CSDE1: variants seen among roughly 807,000 people sequenced by gnomAD.
CSDE1 encodes the protein cold shock domain-containing protein E1.
A neutral mutation model predicts 89.3 loss-of-function variants in CSDE1; 17 were observed. The observed-to-expected ratio is 0.19, with a 90% confidence interval of 0.13 to 0.29. CSDE1 has a LOEUF of 0.29. CSDE1 is among the 10% of genes least tolerant of loss of function. The pLI is 1.00. For missense variants in CSDE1, 672 were observed against 984.2 expected (o/e 0.68, Z 4.24); for synonymous variants, 322 against 332.8 (o/e 0.97, Z 0.35).
Position 114,736,773 on chromosome 1 carries a change from A to G in CSDE1, c.485T>C (p.Ile162Thr). ...LETGDKINFV[I>T]DNNKHTGAVS... ...AAGAACTTACTGTTTATTGTTATCA[A>G]TTACAAAGTTTATTTTATCTCCAGT... Residue 162 changes from isoleucine to threonine, a missense_variant, in exon 6 of 20, where the codon ATT (isoleucine) becomes ACT (threonine). Around this residue, in one of 8 missense-constraint regions of CSDE1, gnomAD observed 124 missense variants for 138.7 expected, o/e 0.89. Transcript: ENST00000358528. 6.2e-7 allele frequency: 1 copy of G among 1,610,740 alleles called. No homozygotes were observed. Among genetic ancestry groups the G allele is most frequent in the South Asian group, 1.1e-5 (1 of 90,622 alleles).
chr1:114,732,327 C>G (rs529887283), intron 10 of CSDE1, among the ~76,000 whole-genome samples: 1 of 152,224 alleles, frequency 6.6e-6, no homozygotes, highest in South Asian at 2.1e-4. Context: ...AATTTTCTTA[C>G]TCTTCATATT....
At chr1:114,735,543 T>C (rs1298343618) in intron 6 of CSDE1, among the ~76,000 whole-genome samples, 1 of 152,162 alleles carries the variant, frequency 6.6e-6, no homozygotes, top group Non-Finnish European at 1.5e-5. Context: ...TGTTCTGAGA[T>C]TAACAACTAT....
chr1:114,723,319 TG>T (rs1330409988), intron 16 of CSDE1, among the ~76,000 whole-genome samples: 1 of 152,188 alleles, frequency 6.6e-6, no homozygotes, highest in Non-Finnish European at 1.5e-5. Context: ...TGGTGACTGT[TG>T]GGGGAACAGC....
At chr1:114,718,413 CAAGAA>C (rs746232524) in intron 19 of CSDE1, among the ~76,000 whole-genome samples, 195 bp downstream of exon 19, 1 of 152,182 alleles carries the variant, frequency 6.6e-6, no homozygotes, top group East Asian at 1.9e-4. Context: ...TTCAAAGCAT[CAAGAA>C]AAGAAATGTG....
chr1:114,735,302 A>T (rs955367111), intron 6 of CSDE1, among the ~76,000 whole-genome samples: 1 of 152,148 alleles, frequency 6.6e-6, no homozygotes, highest in Non-Finnish European at 1.5e-5. Flanking sequence ...ACTTCCCTTA[A>T]TTTTTCACAG....
intron 6 of CSDE1, among the ~76,000 whole-genome samples, 179 bp downstream of exon 6, chr1:114,736,579 G>C (rs1190195917): frequency 6.7e-6 from 1 of 148,464 alleles, no homozygotes; most frequent in Non-Finnish European, 1.5e-5. Flanking sequence ...CTTCCTCTGA[G>C]ACCCTGCATC....
rs531344093 is a variant in CSDE1 at position 114,718,214 on chromosome 1, C to A, written c.2352G>T (p.Gly784=). 2 of 1,613,922 alleles carry A rather than the reference C, an allele frequency of 1.2e-6. No homozygotes were observed. The highest frequency in any genetic ancestry group is 1.7e-6 in the Non-Finnish European group (2 of 1,179,930). ...RQPRGPDNSM[G]FGAERKIRQA... ...GACGGATCTTTCTTTCTGCACCAAA[C>A]CCCTGTGGGGGGGAGAAAAAAAAAA... Residue 784 remains glycine, a splice_region_variant and synonymous_variant, in exon 20 of 20, where the codon GGG becomes GGT. Transcript: ENST00000358528.
chr1:114,725,698 C>T (rs1015205536), intron 14 of CSDE1, among the ~76,000 whole-genome samples: 7 of 151,908 alleles, frequency 4.6e-5, no homozygotes, highest in African/African-American at 7.3e-5. Flanking sequence ...TACAGTGGTG[C>T]GATCTCAGCT....
At chr1:114,742,348 G>A (rs1660773727) in intron 2 of CSDE1, among the ~76,000 whole-genome samples, 3 of 152,164 alleles carry the variant, frequency 2.0e-5, no homozygotes, top group Admixed American at 2.0e-4. Flanking sequence ...CCCAGCACAG[G>A]GAGGCCGGGG....
At chr1:114,750,540 C>T (rs1661245765) in intron 1 of CSDE1, among the ~76,000 whole-genome samples, 2 of 151,924 alleles carry the variant, frequency 1.3e-5, no homozygotes, top group Non-Finnish European at 2.9e-5. Context: ...AAAAGAAGTC[C>T]CTGCCATGAG....
intron 10 of CSDE1, among the ~76,000 whole-genome samples, chr1:114,731,147 A>AAATTATC (rs1193108668): frequency 6.6e-6 from 1 of 151,744 alleles, no homozygotes; most frequent in Non-Finnish European, 1.5e-5. Flanking sequence ...TCAGCTTTGT[A>AAATTATC]AGGCTTACTG....
Position 114,725,227 on chromosome 1 carries a change from G to A in CSDE1, c.1747C>T (p.His583Tyr), listed in dbSNP as rs749896366. Residue 583 changes from histidine to tyrosine, a missense_variant, in exon 15 of 20, where the codon CAC becomes TAC. By Grantham distance (83) the His-to-Tyr change is moderately conservative (BLOSUM62 2). Coordinates refer to ENST00000358528, the MANE Select transcript of CSDE1 (RefSeq NM_001007553.3). ...KVSAEKVNKT[H>Y]SVNGITEEAD... ...AGAAGTCACAATTTATTACCTGAGT[G>A]TGTTTTGTTCACTTTTTCTGCACTG... 2.5e-5 allele frequency: 40 copies of A among 1,613,124 alleles called. No individual in the cohort carries two copies. Among genetic ancestry groups the A allele is most frequent in the Non-Finnish European group, 3.1e-5 (37 of 1,179,172 alleles).
chr1:114,751,106 A>C (rs1298068631), intron 1 of CSDE1, among the ~76,000 whole-genome samples: 3 of 152,070 alleles, frequency 2.0e-5, no homozygotes, highest in Non-Finnish European at 4.4e-5. Flanking sequence ...TTTTGATGAA[A>C]GTGGTATTAA....
intron 2 of CSDE1, among the ~76,000 whole-genome samples, 187 bp from the exon 3 acceptor site, chr1:114,740,077 T>C (rs1660637782): frequency 6.6e-6 from 1 of 152,232 alleles, no homozygotes; most frequent in African/African-American, 2.4e-5. Context: ...AAACAACTTA[T>C]TATATTGGGG....
chr1:114,729,589 C>T (rs1382541354), intron 12 of CSDE1, among the ~76,000 whole-genome samples: 1 of 151,464 alleles, frequency 6.6e-6, no homozygotes, highest in Non-Finnish European at 1.5e-5. Context: ...TTTTTCTCAT[C>T]TATACTTTTA....
At chr1:114,754,858 A>G (rs1233410935) in intron 1 of CSDE1, among the ~76,000 whole-genome samples, 6 of 152,222 alleles carry the variant, frequency 3.9e-5, no homozygotes, top group Non-Finnish European at 8.8e-5. Flanking sequence ...TTAACTGCTT[A>G]TATATACACC....
chr1:114,719,505 T>C, intron 18 of CSDE1, 74 bp downstream of exon 18: 2 of 1,404,904 alleles, frequency 1.4e-6, no homozygotes, highest in Non-Finnish European at 1.9e-6. Context: ...AGAAAAGTGA[T>C]GTGACAAAAC....
intron 1 of CSDE1, among the ~76,000 whole-genome samples, chr1:114,755,672 A>C (rs2101101291): frequency 6.6e-6 from 1 of 152,230 alleles, no homozygotes; most frequent in East Asian, 1.9e-4. Context: ...CTAGCTATTA[A>C]AGCTTACAAA....
At chr1:114,742,187 A>G (rs903315007) in intron 2 of CSDE1, among the ~76,000 whole-genome samples, 4 of 152,126 alleles carry the variant, frequency 2.6e-5, no homozygotes, top group Admixed American at 2.0e-4. Flanking sequence ...AGAACTCCAA[A>G]AGAGGCCAAC....
Sources: allele counts gnomAD v4.1 joint callset (sites outside exome capture counted in the v4.1 genomes callset), GRCh38; gene constraint gnomAD v4.1.1; regional missense constraint gnomAD v4.1.1; transcripts MANE v1.5; gene names NCBI Gene and HGNC (gene_info 2026-07-23, HGNC 2026-07-21).